Variants in IK observed in about 807,000 individuals in gnomAD.
IK encodes the protein IK cytokine, also known as protein Red.
A neutral mutation model predicts 90.9 loss-of-function variants in IK; 47 were observed. The observed-to-expected ratio is 0.52, with a 90% confidence interval of 0.41 to 0.66. IK has a LOEUF of 0.66. Ranked by LOEUF, IK falls within the 30% of genes least tolerant of loss-of-function variation. The probability of loss-of-function intolerance (pLI) is 0.00; values close to 1 mark genes in which losing one functional copy is unlikely to be tolerated. For missense variants in IK, 385 were observed against 709.3 expected (o/e 0.54, Z 5.19); for synonymous variants, 201 against 227.5 (o/e 0.88, Z 1.05).
intron 2 of IK, among the ~76,000 whole-genome samples, chr5:140,649,842 T>G (rs1757585032): frequency 6.6e-6 from 1 of 152,218 alleles, no homozygotes. Flanking sequence ...CCTCCTACTC[T>G]TTTTTAAATG....
At chr5:140,648,072 C>A in intron 1 of IK, 148 bp downstream of exon 1, 4 of 916,828 alleles carry the variant, frequency 4.4e-6, no homozygotes, top group Non-Finnish European at 7.2e-6. Context: ...CGCTTGAGCC[C>A]GGAGAAGCCA....
intron 16 of IK, 116 bp downstream of exon 16, chr5:140,660,931 C>G (rs1283467624): frequency 4.1e-6 from 3 of 732,344 alleles, no homozygotes; most frequent in Non-Finnish European, 7.2e-6. Context: ...CCTCCTTTAG[C>G]TGCAGCAGTA....
At chr5:140,660,975 A>G in intron 16 of IK, 160 bp downstream of exon 16, 1 of 575,824 alleles carries the variant, frequency 1.7e-6, no homozygotes, top group Non-Finnish European at 3.1e-6. Context: ...GAGCAGCTTA[A>G]CTATTTCAGA....
At chr5:140,657,125 C>T (rs1461096690) in intron 9 of IK, among the ~76,000 whole-genome samples, 2 of 152,174 alleles carry the variant, frequency 1.3e-5, no homozygotes, top group Non-Finnish European at 2.9e-5. Context: ...ATTGCTTGAA[C>T]CCAGAAGGTG....
chr5:140,652,076 CG>C lies in IK; in HGVS notation c.177-11del. The C allele has an allele frequency of 6.2e-7, 1 of 1,609,948 alleles. No individual in the cohort carries two copies. Among genetic ancestry groups the C allele is most frequent in the Non-Finnish European group, 8.5e-7 (1 of 1,176,394 alleles). ...AATATTTTGCTATCAGTGAATTTCT[CG>C]TCTCTTCTAGGATGCCAAGGGAGTA... On this transcript the variant is annotated splice_polypyrimidine_tract_variant and intron_variant, in intron 3 of 19. Coordinates refer to ENST00000417647, the MANE Select transcript of IK (RefSeq NM_006083.4).
chr5:140,659,224 A>T, intron 12 of IK, 60 bp downstream of exon 12: 1 of 1,610,212 alleles, frequency 6.2e-7, no homozygotes. Context: ...AATGTGAGCA[A>T]GGTTGGGTAA....
intron 15 of IK, 193 bp from the exon 16 acceptor site, chr5:140,660,565 G>A (rs1312279512): frequency 5.4e-6 from 3 of 557,410 alleles, no homozygotes; most frequent in Admixed American, 3.3e-5. Flanking sequence ...CCAAAAGTGC[G>A]GGGATTACAG....
chr5:140,655,310 G>C (rs922034521), intron 8 of IK, among the ~76,000 whole-genome samples: 12 of 152,158 alleles, frequency 7.9e-5, no homozygotes, highest in African/African-American at 2.9e-4. Context: ...ACAGCACTAA[G>C]TGTATGATTT....
chr5:140,658,718 T>A lies in IK; in HGVS notation c.911-19T>A, dbSNP rs1757749215. On this transcript the variant is annotated intron_variant, in intron 10 of 19. Transcript: ENST00000417647. ...ATTAACTGAGGAGTATGTTCCTGAC[T>A]CCTCTCTTTAAATTTCAGGGAAGCT... 1 of 1,595,736 alleles carries A rather than the reference T, an allele frequency of 6.3e-7. No homozygotes were observed. The highest frequency in any genetic ancestry group is 8.6e-7 in the Non-Finnish European group (1 of 1,167,912).
intron 19 of IK, 42 bp from the exon 20 acceptor site, chr5:140,662,260 G>C (rs1416464423): frequency 6.2e-7 from 1 of 1,613,922 alleles, no homozygotes; most frequent in East Asian, 2.2e-5. Context: ...GAATTGCTTA[G>C]TGTATTGATC....
intron 15 of IK, 187 bp from the exon 16 acceptor site, chr5:140,660,571 T>G: frequency 1.7e-6 from 1 of 574,396 alleles, no homozygotes; most frequent in Non-Finnish European, 3.1e-6. Flanking sequence ...GTGCGGGGAT[T>G]ACAGGAGTGA....
At chr5:140,657,239 A>G (rs1256765296) in intron 9 of IK, among the ~76,000 whole-genome samples, 2 of 152,164 alleles carry the variant, frequency 1.3e-5, no homozygotes, top group African/African-American at 4.8e-5. Flanking sequence ...TTGTCTCACT[A>G]CAGTTTAGAA....
intron 8 of IK, among the ~76,000 whole-genome samples, chr5:140,655,321 T>C (rs1487484138): frequency 6.6e-6 from 1 of 152,250 alleles, no homozygotes; most frequent in African/African-American, 2.4e-5. Flanking sequence ...TGTATGATTT[T>C]AGGCAACTGA....
At chr5:140,658,674 A>T (rs1757748874) in intron 10 of IK, 63 bp from the exon 11 acceptor site, 1 of 1,292,898 alleles carries the variant, frequency 7.7e-7, no homozygotes, top group Non-Finnish European at 1.1e-6. Flanking sequence ...GCTGGAGAGG[A>T]TGGTGAAGTT....
rs1335325651 is a variant in IK, at chr5:140,658,999, G to A, written c.1011G>A (p.Glu337=). The part of the protein sequence containing the change: ...PSTTKTPRDK[E]RERYRERERD... ...CAACCAAGACACCTCGGGACAAGGA[G>A]CGGGAGAGATATCGGGAACGGGAGC... The change falls in exon 12 of 20, where the codon GAG becomes GAA. Residue 337 remains glutamate (E), a synonymous_variant. Coordinates refer to ENST00000417647, the MANE Select transcript of IK (RefSeq NM_006083.4). 1 of 1,613,732 alleles carries A rather than the reference G, an allele frequency of 6.2e-7. No individual in the cohort carries two copies. Among genetic ancestry groups the A allele is most frequent in the Non-Finnish European group, 8.5e-7 (1 of 1,179,754 alleles).
At chr5:140,662,114 A>T in intron 18 of IK, 65 bp from the exon 19 acceptor site, 1 of 1,603,940 alleles carries the variant, frequency 6.2e-7, no homozygotes, top group African/African-American at 1.3e-5. Context: ...ATGAGAGGTC[A>T]GCCTTGGGCC....
Position 140,660,118 on chromosome 5 carries a change from G to A in IK, c.1278G>A (p.Leu426=). Reference sequence around the variant, plus strand: ...TGTTTTCTTTAACATAGCATATGCTGAAGAAGCCAGAAGACAAAAAGCAGC... The same window carrying A: ...TGTTTTCTTTAACATAGCATATGCTAAAGAAGCCAGAAGACAAAAAGCAGC... ...GSAGWEGTES[L]KKPEDKKQLG... is the part of the protein sequence containing the mutation. Residue 426 remains leucine, a synonymous_variant, in exon 15 of 20, where the codon CTG becomes CTA. Coordinates refer to ENST00000417647, the MANE Select transcript of IK (RefSeq NM_006083.4). 12 of 1,613,000 alleles carry A rather than the reference G, an allele frequency of 7.4e-6. No homozygotes were observed. Among genetic ancestry groups the A allele is most frequent in the Non-Finnish European group, 1.0e-5 (12 of 1,179,102 alleles).
At chr5:140,650,822 G>A (rs375975509) in intron 2 of IK, among the ~76,000 whole-genome samples, 2 of 151,976 alleles carry the variant, frequency 1.3e-5, no homozygotes, top group Non-Finnish European at 2.9e-5. Context: ...CGGGTGATCC[G>A]CCTGCGTCAG....
At chr5:140,652,201 A>C in intron 4 of IK, 54 bp downstream of exon 4, 1 of 1,319,080 alleles carries the variant, frequency 7.6e-7, no homozygotes, top group Non-Finnish European at 1.1e-6. Context: ...TTTAGGGGAA[A>C]GAAGTAGGGG....
Sources: allele counts gnomAD v4.1 joint callset (sites outside exome capture counted in the v4.1 genomes callset), GRCh38; gene constraint gnomAD v4.1.1; transcripts MANE v1.5; gene names NCBI Gene and HGNC (gene_info 2026-07-23, HGNC 2026-07-21).